CCDC187: variants seen among roughly 807,000 people sequenced by gnomAD.
CCDC187 encodes coiled-coil domain containing 187.
CCDC187 carries 32 observed loss-of-function variants against 38.0 expected under a neutral mutation model. The ratio of observed to expected loss-of-function variants is 0.84; its 90% CI spans 0.64 to 1.13. The LOEUF is 1.13. Among genes scored for constraint, CCDC187 ranks in the 50% most tolerant of loss-of-function variants. CCDC187 has a pLI of 0.00. For missense variants in CCDC187, 707 were observed against 786.8 expected (o/e 0.90, Z 1.21); for synonymous variants, 333 against 347.9 (o/e 0.96, Z 0.48).
intron 16 of CCDC187, 84 bp from the exon 17 acceptor site, chr9:136,266,127 T>A (rs1468230550): frequency 5.0e-6 from 4 of 792,276 alleles, no homozygotes; most frequent in Non-Finnish European, 6.1e-6. Flanking sequence ...CCAGCCCTGG[T>A]CGGCCACATC....
chr9:136,276,468 C>A (rs1391824674), intron 11 of CCDC187, among the ~76,000 whole-genome samples, 167 bp from the exon 12 acceptor site: 1 of 152,118 alleles, frequency 6.6e-6, no homozygotes, highest in South Asian at 2.1e-4. Context: ...CCGGGAAGGC[C>A]AGGCGCCCTC....
Position 136,291,402 on chromosome 9 carries a change from C to A in CCDC187, c.1211G>T (p.Arg404Met). 2.5e-6 allele frequency: 1 copy of A among 399,070 alleles called. No homozygotes were observed. The highest frequency in any genetic ancestry group is 4.4e-6 in the Non-Finnish European group (1 of 226,380). The allele number at this position is 399,070 out of a possible 1,614,324, so 24.7% of individuals were successfully genotyped here. The change falls in exon 6 of 26, where the codon AGG becomes ATG. Residue 404 changes from arginine (R) to methionine (M), a missense_variant. Physicochemically the swap from Arg to Met is moderately conservative, Grantham distance 91. Coordinates refer to ENST00000638797, the MANE Select transcript of CCDC187 (RefSeq NM_001378188.1). Reference protein sequence around the residue: ...GGQELGPSKRRLQDVAGRGCC... With the variant: ...GGQELGPSKRMLQDVAGRGCC... Reference sequence around the variant, plus strand: ...GCCCCTCCCTGCCACGTCCTGCAGCCTCCGCTTTGATGGCCCGAGCTCTTG... The same window carrying A: ...GCCCCTCCCTGCCACGTCCTGCAGCATCCGCTTTGATGGCCCGAGCTCTTG...
In CCDC187 at chr9:136,269,605, G is replaced by A. The variant is rs189569430; in HGVS notation, c.3443-1480C>T. Among the ~76,000 whole-genome samples, 69 of 152,208 alleles carry A rather than the reference G, an allele frequency of 4.5e-4. No individual in the cohort carries two copies. In the East Asian group the frequency reaches 0.012, roughly 27 times the overall value. ...AGAGGTTGCAGTGAGCTGAGATTGC[G>A]CCACTGCACTCCAGCCTGGCAACAG... On this transcript the variant is annotated intron_variant, in intron 14 of 25. Coordinates refer to ENST00000638797, the MANE Select transcript of CCDC187 (RefSeq NM_001378188.1).
chr9:136,254,951 C>T lies in CCDC187; in HGVS notation c.4877G>A (p.Cys1626Tyr). 1 of 985,526 alleles carries T rather than the reference C, an allele frequency of 1.0e-6. No individual in the cohort carries two copies. The highest frequency in any genetic ancestry group is 1.2e-6 in the Non-Finnish European group (1 of 829,974). The allele number at this position is 985,526 out of a possible 1,614,324, so 61.0% of individuals were successfully genotyped here. ...SPAGSVSSLS[C>Y]PSLWEFQKAA... ...TTTCTGGAACTCCCAGAGAGAGGGA[C>T]AGGACAGGCTGCTCACAGAGCCTGC... Residue 1626 changes from cysteine to tyrosine, a missense_variant, in exon 26 of 26, where the codon TGT (cysteine) becomes TAT (tyrosine). Cys to Tyr is a radical substitution (Grantham distance 194). Coordinates refer to ENST00000638797, the MANE Select transcript of CCDC187 (RefSeq NM_001378188.1).
Position 136,257,604 on chromosome 9 carries a change from G to A in CCDC187, c.4367-763C>T, listed in dbSNP as rs912269035. Reference sequence around the variant, plus strand: ...GGACAAAGGGACGGGTGGGGCCACCGCAGAGCCCTCCCCAGGAGCACCAGG... The same window carrying A: ...GGACAAAGGGACGGGTGGGGCCACCACAGAGCCCTCCCCAGGAGCACCAGG... On this transcript the variant is annotated intron_variant, in intron 22 of 25. Coordinates refer to ENST00000638797, the MANE Select transcript of CCDC187 (RefSeq NM_001378188.1). This position sits in a 1 kb window ranked among gnomAD's most constrained non-coding sequence, Gnocchi z 4.5. Among the ~76,000 whole-genome samples, 2 of 152,104 alleles carry A rather than the reference G, an allele frequency of 1.3e-5. No homozygotes were observed. Among genetic ancestry groups the A allele is most frequent in the African/African-American group, 2.4e-5 (1 of 41,416 alleles).
At chr9:136,299,387 G>A (rs1831618253) in intron 3 of CCDC187, among the ~76,000 whole-genome samples, 1 of 152,164 alleles carries the variant, frequency 6.6e-6, no homozygotes, top group African/African-American at 2.4e-5. Context: ...TGCACCGCTG[G>A]GATGGACAGC....
At chr9:136,260,334 A>G (rs967603729) in intron 19 of CCDC187, 70 bp from the exon 20 acceptor site, 1 of 981,364 alleles carries the variant, frequency 1.0e-6, no homozygotes, top group Non-Finnish European at 1.2e-6. Context: ...AGCCCTGGCC[A>G]CAACCTCCAC....
At chr9:136,296,748 C>G (rs1299603494) in intron 4 of CCDC187, among the ~76,000 whole-genome samples, 1 of 152,256 alleles carries the variant, frequency 6.6e-6, no homozygotes, top group Admixed American at 6.5e-5. Flanking sequence ...GCCGCTGGGT[C>G]TCTGCAGGGC....
chr9:136,252,563 G>C lies in CCDC187; in HGVS notation c.*1031C>G, dbSNP rs538173897. ...GGGGAAAGGTCCAGGAGACTGTCCCGCACAGCCGGCCGCCCGGCCGGTCCA... is the reference window on the plus strand; with the variant it reads ...GGGGAAAGGTCCAGGAGACTGTCCCCCACAGCCGGCCGCCCGGCCGGTCCA... On this transcript the variant is annotated 3_prime_UTR_variant, in exon 26 of 26. Coordinates refer to ENST00000638797, the MANE Select transcript of CCDC187 (RefSeq NM_001378188.1). 2 of 177,736 alleles carry C rather than the reference G, an allele frequency of 1.1e-5. No homozygotes were observed. The highest frequency in any genetic ancestry group is 4.8e-5 in the African/African-American group (2 of 41,538). The allele number at this position is 177,736 out of a possible 1,614,324, so 11.0% of individuals were successfully genotyped here. A position where few individuals can be genotyped will look rare whatever the true frequency, so the allele number is the denominator to read the frequency against.
rs782677282 is a variant in CCDC187 at position 136,254,817 on chromosome 9, G to A, written c.5011C>T (p.Arg1671Ter). Reference protein sequence around the residue: ...GFSWPGELSARHSSGEAGLPL... With the variant: ...GFSWPGELSA ...AGGCCAGCTTCCCCCGAGGAGTGTCGGGCAGAGAGCTCTCCAGGCCAGCTG... is the reference window on the plus strand; with the variant it reads ...AGGCCAGCTTCCCCCGAGGAGTGTCAGGCAGAGAGCTCTCCAGGCCAGCTG... Residue 1671 changes from arginine to a stop codon, truncating the protein, a stop_gained, in exon 26 of 26, where the codon CGA becomes TGA. Transcript: ENST00000638797. LOFTEE classifies it low-confidence loss of function (END_TRUNC). The A allele has an allele frequency of 2.9e-5, 29 of 985,466 alleles. No individual in the cohort carries two copies. The East Asian group carries it at 1.1e-3, about 39-fold the overall frequency. The allele number at this position is 985,466 out of a possible 1,614,324, so 61.0% of individuals were successfully genotyped here.
At chr9:136,288,113 C>T (rs1039225400) in intron 7 of CCDC187, among the ~76,000 whole-genome samples, 7 of 152,090 alleles carry the variant, frequency 4.6e-5, no homozygotes, top group Admixed American at 1.3e-4. Flanking sequence ...AAACGGAGCC[C>T]GACGGTGGCC....
At chr9:136,302,102 C>T (rs983913889) in intron 2 of CCDC187, among the ~76,000 whole-genome samples, 6 of 151,840 alleles carry the variant, frequency 4.0e-5, no homozygotes, top group Non-Finnish European at 8.8e-5. Flanking sequence ...CCCAGCTACT[C>T]GGGAGGCTGA....
Position 136,258,683 on chromosome 9 carries a change from A to G in CCDC187, c.4366+249T>C. 1.0e-6 allele frequency: 1 copy of G among 985,292 alleles called. No individual in the cohort carries two copies. Among genetic ancestry groups the G allele is most frequent in the Non-Finnish European group, 1.2e-6 (1 of 829,828 alleles). The allele number at this position is 985,292 out of a possible 1,614,324, so 61.0% of individuals were successfully genotyped here. ...CCAGATGAACGAAGTTGCGACTAAA[A>G]CAATCCCAGCCAGTTATGACTTTTA... On this transcript the variant is annotated intron_variant, in intron 22 of 25. Coordinates refer to ENST00000638797, the MANE Select transcript of CCDC187 (RefSeq NM_001378188.1). This position sits in a 1 kb window ranked among gnomAD's most constrained non-coding sequence, Gnocchi z 4.3.
intron 20 of CCDC187, 131 bp downstream of exon 20, chr9:136,259,988 G>A (rs1830661909): frequency 1.8e-5 from 14 of 786,718 alleles, no homozygotes; most frequent in Non-Finnish European, 2.0e-5. Flanking sequence ...GGGTGGCCCG[G>A]TCACAGGCGG....
intron 6 of CCDC187, 138 bp from the exon 7 acceptor site, chr9:136,290,191 C>A (rs1831283556): frequency 2.5e-6 from 1 of 397,758 alleles, no homozygotes. Context: ...AATCGGGGTC[C>A]CACTTCAGGG....
intron 9 of CCDC187, among the ~76,000 whole-genome samples, chr9:136,283,600 G>T (rs1190603215): frequency 6.6e-6 from 1 of 152,246 alleles, no homozygotes; most frequent in Admixed American, 6.5e-5. Context: ...GGCTGTGGGG[G>T]TGGAGGGCAC....
chr9:136,268,054 G>A lies in CCDC187; in HGVS notation c.3514C>T (p.His1172Tyr), dbSNP rs1294972409. The change falls in exon 15 of 26, where the codon CAC becomes TAC. Residue 1172 changes from histidine to tyrosine, a missense_variant. His to Tyr is a moderately conservative substitution (Grantham distance 83). Coordinates refer to ENST00000638797, the MANE Select transcript of CCDC187 (RefSeq NM_001378188.1). ...AKFFPPDNPT[H>Y]QMLERSLREE... The stretch of plus-strand genomic sequence containing the variant: ...CAGGGGACCTCTCCACGTACCTGGT[G>A]GGTGGGGTTGTCCGGAGGGAAGAAC... 4.1e-6 allele frequency: 4 copies of A among 985,400 alleles called. No individual in the cohort carries two copies. The highest frequency in any genetic ancestry group is 4.8e-6 in the Non-Finnish European group (4 of 829,986). 61.0% of individuals were successfully genotyped at this position (985,400 alleles called of 1,614,324 possible).
intron 4 of CCDC187, among the ~76,000 whole-genome samples, chr9:136,293,947 CACAT>C (rs1324291387): frequency 6.6e-6 from 1 of 151,554 alleles, no homozygotes; most frequent in African/African-American, 2.4e-5. Flanking sequence ...CTCCCACACA[CACAT>C]GCTCATATAC....
Position 136,302,964 on chromosome 9 carries a change from T to C in CCDC187, c.473A>G (p.Lys158Arg). ...CTGCTGCCACGCCTGGGCCCGGATCTTGTCTCTCAGCTGCTCCAGCCGCGC... is the reference window on the plus strand; with the variant it reads ...CTGCTGCCACGCCTGGGCCCGGATCCTGTCTCTCAGCTGCTCCAGCCGCGC... Reference protein sequence around the residue: ...SDARLEQLRDKIRAQAWQQGS... With the variant: ...SDARLEQLRDRIRAQAWQQGS... Residue 158 changes from lysine to arginine, a missense_variant, in exon 2 of 26, where the codon AAG becomes AGG. Transcript: ENST00000638797. 1 of 398,714 alleles carries C rather than the reference T, an allele frequency of 2.5e-6. No individual in the cohort carries two copies. The highest frequency in any genetic ancestry group is 4.4e-6 in the Non-Finnish European group (1 of 226,162). 24.7% of individuals were successfully genotyped at this position (398,714 alleles called of 1,614,324 possible).
Sources: allele counts gnomAD v4.1 joint callset (sites outside exome capture counted in the v4.1 genomes callset), GRCh38; gene constraint gnomAD v4.1.1; non-coding constraint Gnocchi (gnomAD v3.1); transcripts MANE v1.5; gene names NCBI Gene and HGNC (gene_info 2026-07-23, HGNC 2026-07-21).